The following SMYD3 variants were observed in gnomAD, a reference collection of about 807,000 sequenced individuals.
SMYD3 encodes the protein SET and MYND domain containing 3, also known as histone-lysine N-methyltransferase SMYD3.
SMYD3 carries 36 observed loss-of-function variants against 57.7 expected under a neutral mutation model. The observed-to-expected ratio is 0.62, with a 90% CI of 0.48 to 0.82. The LOEUF (loss-of-function observed/expected upper bound fraction) is 0.82. Among genes scored for constraint, SMYD3 ranks in the 40% least tolerant of loss-of-function variants. The pLI is 0.00. For missense variants in SMYD3, 515 were observed against 538.8 expected, an observed-to-expected ratio of 0.96 and a Z score of 0.44; for synonymous variants, 211 against 195.0, an observed-to-expected ratio of 1.08 and a Z score of -0.68.
At chr1:245,921,570 T>TATATATAC (rs1231534223) in intron 7 of SMYD3, among the ~76,000 whole-genome samples, 5 of 147,898 alleles carry the variant, frequency 3.4e-5, no homozygotes, top group African/African-American at 1.3e-4. Context: ...TATATATATA[T>TATATATAC]ACACATACCA....
In SMYD3 at chr1:246,127,042, T is replaced by C. The variant is rs554814045; in HGVS notation, c.532-197105A>G. Among the ~76,000 whole-genome samples the C allele has an allele frequency of 1.6e-4, 25 of 151,604 alleles. No homozygotes were observed. In the South Asian group the frequency reaches 4.8e-3, roughly 29 times the overall value. On this transcript the variant is annotated intron_variant, in intron 5 of 11. Transcript: ENST00000490107. ...CTGCTTTGGATGCACAGAGAAACCG[T>C]AGAGAGCGGATTCCAATGTATCTAC...
intron 8 of SMYD3, among the ~76,000 whole-genome samples, chr1:245,904,411 T>C (rs775778576): frequency 6.6e-6 from 1 of 152,202 alleles, no homozygotes; most frequent in African/African-American, 2.4e-5. Flanking sequence ...AATATCTTCA[T>C]AGCAGTGTGA....
At chr1:246,492,460 GAAA>G (rs1325846860) in intron 1 of SMYD3, among the ~76,000 whole-genome samples, 1 of 152,172 alleles carries the variant, frequency 6.6e-6, no homozygotes, top group Non-Finnish European at 1.5e-5. Context: ...AGGGACCCAA[GAAA>G]GTACTGGGGC....
At chr1:246,034,877 C>G (rs533335894) in intron 5 of SMYD3, among the ~76,000 whole-genome samples, 11 of 152,122 alleles carry the variant, frequency 7.2e-5, no homozygotes. Context: ...AGATCCCTGC[C>G]GCACAAATTC....
intron 5 of SMYD3, among the ~76,000 whole-genome samples, chr1:246,101,656 G>A (rs899460936): frequency 9.9e-5 from 15 of 152,086 alleles, no homozygotes; most frequent in African/African-American, 3.4e-4. Flanking sequence ...GTTCATATGC[G>A]GTTAGGTTCT....
At chr1:246,289,325 A>G (rs1251877509) in intron 5 of SMYD3, among the ~76,000 whole-genome samples, 1 of 152,206 alleles carries the variant, frequency 6.6e-6, no homozygotes, top group Non-Finnish European at 1.5e-5. Context: ...GTGAAACTAC[A>G]ACGTTAGCTT....
At chr1:246,002,392 G>C (rs112719560) in intron 5 of SMYD3, among the ~76,000 whole-genome samples, 6 of 49,826 alleles carry the variant, frequency 1.2e-4, no homozygotes, top group Non-Finnish European at 9.5e-5. Context: ...CACCGTGTTA[G>C]CCAGGATGGT....
chr1:246,317,570 T>C (rs908855829), intron 5 of SMYD3, among the ~76,000 whole-genome samples: 1 of 152,242 alleles, frequency 6.6e-6, no homozygotes, highest in African/African-American at 2.4e-5. Context: ...TTCTTTGGTA[T>C]ACAGCCACAC....
chr1:246,447,672 A>C (rs1268180903), intron 1 of SMYD3, among the ~76,000 whole-genome samples: 3 of 152,212 alleles, frequency 2.0e-5, no homozygotes, highest in African/African-American at 7.2e-5. Flanking sequence ...CACACACACC[A>C]TAAATCACAG....
At chr1:246,155,482 T>C (rs2062008114) in intron 5 of SMYD3, among the ~76,000 whole-genome samples, 1 of 152,182 alleles carries the variant, frequency 6.6e-6, no homozygotes, top group Non-Finnish European at 1.5e-5. Context: ...TGCTGCTCTA[T>C]AATAATCAAA....
intron 5 of SMYD3, among the ~76,000 whole-genome samples, chr1:246,142,935 C>T (rs1259435130): frequency 2.6e-5 from 4 of 152,030 alleles, no homozygotes; most frequent in Non-Finnish European, 4.4e-5. Flanking sequence ...GAGATAAACA[C>T]GAGGGTAGAA....
intron 10 of SMYD3, among the ~76,000 whole-genome samples, chr1:245,832,774 T>C (rs2049907552): frequency 6.6e-6 from 1 of 152,210 alleles, no homozygotes; most frequent in Admixed American, 6.5e-5. Context: ...CAACATAATG[T>C]TGAATCCTGT....
intron 5 of SMYD3, among the ~76,000 whole-genome samples, chr1:246,053,363 T>C (rs10802326): frequency 0.38 from 58,085 of 151,514 alleles, 14,024 homozygotes; most frequent in African/African-American, 0.66. Context: ...CAAGTGAAAA[T>C]AGCCAAATCA....
intron 5 of SMYD3, among the ~76,000 whole-genome samples, chr1:246,021,076 C>T (rs2059463096): frequency 1.3e-5 from 2 of 152,200 alleles, no homozygotes; most frequent in African/African-American, 4.8e-5. Flanking sequence ...GAATGATTCT[C>T]AACGCCAATA....
At chr1:246,003,458 T>C (rs958652535) in intron 5 of SMYD3, among the ~76,000 whole-genome samples, 1 of 152,216 alleles carries the variant, frequency 6.6e-6, no homozygotes, top group African/African-American at 2.4e-5. Flanking sequence ...ACAGCTGAAG[T>C]TCACACATTG....
chr1:245,821,394 T>C (rs1172260921), intron 10 of SMYD3, among the ~76,000 whole-genome samples: 1 of 150,710 alleles, frequency 6.6e-6, no homozygotes, highest in East Asian at 2.0e-4. Flanking sequence ...GAAAAATCAA[T>C]TCAAGATTGA....
chr1:246,063,223 C>T (rs2060283946), intron 5 of SMYD3, among the ~76,000 whole-genome samples: 1 of 152,164 alleles, frequency 6.6e-6, no homozygotes, highest in Non-Finnish European at 1.5e-5. Context: ...AAGGGCCTTC[C>T]CCCAGGGAGT....
At chr1:246,070,094 A>G (rs77578816) in intron 5 of SMYD3, among the ~76,000 whole-genome samples, 4,406 of 152,242 alleles carry the variant, frequency 0.029, 211 homozygotes, top group African/African-American at 0.1. Flanking sequence ...TTGAAGGGTG[A>G]GAGGCACAGG....
intron 10 of SMYD3, among the ~76,000 whole-genome samples, chr1:245,800,543 G>A (rs973131297): frequency 1.3e-5 from 2 of 151,992 alleles, no homozygotes; most frequent in South Asian, 2.1e-4. Flanking sequence ...CAGACCAAGA[G>A]AGCTCAAGCA....
Sources: gnomAD v4.1 joint callset for allele counts (sites outside exome capture counted in the v4.1 genomes callset) on GRCh38, gnomAD v4.1.1 for gene constraint, MANE v1.5 for transcripts, NCBI Gene and HGNC (gene_info 2026-07-23, HGNC 2026-07-21) for gene names.